Variants in SGCD observed in about 807,000 individuals in gnomAD.
SGCD encodes delta-sarcoglycan.
In SGCD, 18 loss-of-function variants were observed where a neutral mutation model predicts 36.6. The ratio of observed to expected loss-of-function variants is 0.49; its 90% CI spans 0.34 to 0.73. The LOEUF (loss-of-function observed/expected upper bound fraction) is 0.73. Ranked by LOEUF, SGCD falls within the 30% of genes least tolerant of loss-of-function variation. The pLI is 0.01. For synonymous variants in SGCD, 133 were observed against 130.6 expected (o/e 1.02, Z -0.12); for missense variants, 387 against 346.7 (o/e 1.12, Z -0.92).
chr5:156,229,261 C>CATATATAT (rs1263970141), intron 3 of SGCD, among the ~76,000 whole-genome samples: 2 of 14,026 alleles, frequency 1.4e-4, no homozygotes, highest in Non-Finnish European at 4.2e-4. Context: ...TACATACATA[C>CATATATAT]ATATATATAT....
intron 7 of SGCD, among the ~76,000 whole-genome samples, chr5:156,653,449 T>C (rs562892753): frequency 7.2e-6 from 1 of 138,268 alleles, no homozygotes; most frequent in East Asian, 2.4e-4. Flanking sequence ...GTCACCTTTG[T>C]CATGAAAACA....
chr5:156,336,905 C>G (rs1768384477), intron 2 of SGCD, among the ~76,000 whole-genome samples: 1 of 152,162 alleles, frequency 6.6e-6, no homozygotes, highest in South Asian at 2.1e-4. Flanking sequence ...TTAAGTTAAT[C>G]TGAATATTTG....
chr5:155,966,590 G>T (rs748469937), intron 1 of SGCD, among the ~76,000 whole-genome samples: 3 of 152,108 alleles, frequency 2.0e-5, no homozygotes, highest in African/African-American at 4.8e-5. Context: ...GCCAGCATTT[G>T]AATCTCTGGC....
chr5:156,398,691 A>G (rs1292075816), intron 3 of SGCD, among the ~76,000 whole-genome samples: 5 of 152,134 alleles, frequency 3.3e-5, no homozygotes, highest in Non-Finnish European at 7.4e-5. Context: ...AATACATACC[A>G]CTTACATGCC....
chr5:156,733,931 G>GTATTCATACATGTGTATTT (rs1356233954), intron 7 of SGCD, among the ~76,000 whole-genome samples: 4 of 151,676 alleles, frequency 2.6e-5, no homozygotes, highest in Admixed American at 2.0e-4. Context: ...TCTTGGTTCT[G>GTATTCATACATGTGTATTT]TATTCATACA....
chr5:156,667,911 A>G (rs1202497714), intron 7 of SGCD, among the ~76,000 whole-genome samples: 1 of 152,222 alleles, frequency 6.6e-6, no homozygotes, highest in East Asian at 1.9e-4. Flanking sequence ...ATTCTCTTTC[A>G]ATTAAGAACA....
At chr5:155,796,172 T>C in the SGCD span, among the ~76,000 whole-genome samples, 1 of 152,164 alleles carries the variant, frequency 6.6e-6, no homozygotes. Flanking sequence ...TGTGTACAAA[T>C]CATCACCCAA....
intron 7 of SGCD, among the ~76,000 whole-genome samples, chr5:156,692,434 C>T (rs1754152130): frequency 6.6e-6 from 1 of 152,128 alleles, no homozygotes; most frequent in Non-Finnish European, 1.5e-5. Context: ...GATTTTGCGC[C>T]AGCTGAAGAT....
At chr5:155,801,934 T>G in the SGCD span, among the ~76,000 whole-genome samples, 2 of 152,222 alleles carry the variant, frequency 1.3e-5, no homozygotes, top group African/African-American at 4.8e-5. Context: ...TAAGGGCATC[T>G]GTGTCACCCA....
chr5:156,607,912 T>A (rs7717319), intron 6 of SGCD, among the ~76,000 whole-genome samples: 9,499 of 152,244 alleles, frequency 0.062, 682 homozygotes, highest in East Asian at 0.22. Flanking sequence ...CATTTTTTAT[T>A]GCGTCTATTT....
At chr5:156,180,165 A>C (rs754782326) in intron 3 of SGCD, among the ~76,000 whole-genome samples, 11 of 152,226 alleles carry the variant, frequency 7.2e-5, no homozygotes, top group Admixed American at 3.9e-4. Context: ...AGTATTTTCT[A>C]TTAATTGTTA....
At chr5:156,640,062 C>G (rs1038014746) in intron 6 of SGCD, among the ~76,000 whole-genome samples, 2 of 152,148 alleles carry the variant, frequency 1.3e-5, no homozygotes, top group Admixed American at 6.5e-5. Context: ...TGATGCTAGG[C>G]TAGCCCCTCT....
intron 1 of SGCD, among the ~76,000 whole-genome samples, chr5:155,877,756 T>C (rs1004834304): frequency 6.6e-6 from 1 of 152,086 alleles, no homozygotes; most frequent in African/African-American, 2.4e-5. Context: ...AAAGGAGTTC[T>C]TTGTCTAAAT....
At chr5:156,225,788 G>T (rs1027765858) in intron 3 of SGCD, among the ~76,000 whole-genome samples, 14 of 151,832 alleles carry the variant, frequency 9.2e-5, no homozygotes, top group African/African-American at 3.4e-4. Flanking sequence ...AGACTCAAAA[G>T]CAGAAAGAAA....
chr5:156,067,316 G>A (rs1430541818), intron 1 of SGCD, among the ~76,000 whole-genome samples: 22 of 101,460 alleles, frequency 2.2e-4, no homozygotes, highest in African/African-American at 4.2e-4. Flanking sequence ...CTCCAGCTGC[G>A]TGCTGGGAGA....
intron 1 of SGCD, among the ~76,000 whole-genome samples, chr5:156,328,937 G>A (rs752774832): frequency 6.6e-6 from 1 of 152,142 alleles, no homozygotes; most frequent in Non-Finnish European, 1.5e-5. Flanking sequence ...CAATGAAAAA[G>A]GGAGCCTTCC....
intron 3 of SGCD, among the ~76,000 whole-genome samples, chr5:156,492,511 C>A (rs1022108775): frequency 6.6e-6 from 1 of 152,060 alleles, no homozygotes; most frequent in African/African-American, 2.4e-5. Flanking sequence ...CTTTATTTAC[C>A]TATTTTAAAT....
the SGCD span, among the ~76,000 whole-genome samples, chr5:155,834,367 A>C: frequency 1.3e-5 from 2 of 152,218 alleles, no homozygotes; most frequent in Non-Finnish European, 2.9e-5. Context: ...CAGCTTTATG[A>C]GTTCTTTAGA....
intron 1 of SGCD, among the ~76,000 whole-genome samples, chr5:155,916,356 A>G (rs943226877): frequency 5.3e-5 from 8 of 152,196 alleles, no homozygotes; most frequent in African/African-American, 1.7e-4. Flanking sequence ...GGATACATTT[A>G]GGGTTTCTTT....
Sources: allele counts gnomAD v4.1 joint callset (sites outside exome capture counted in the v4.1 genomes callset), GRCh38; gene constraint gnomAD v4.1.1; transcripts MANE v1.5; gene names NCBI Gene and HGNC (gene_info 2026-07-23, HGNC 2026-07-21).